The following EFHB variants were observed in gnomAD, a reference collection of about 807,000 sequenced individuals.
EFHB encodes the protein EF-hand domain-containing family member B.
A neutral mutation model predicts 87.2 loss-of-function variants in EFHB; 91 were observed. The observed-to-expected ratio is 1.04, with a 90% CI of 0.88 to 1.24. The LOEUF (loss-of-function observed/expected upper bound fraction) is 1.24, where lower values mean the gene tolerates loss of function less well. EFHB is among the 50% of genes most tolerant of loss of function. The probability of loss-of-function intolerance (pLI) is 0.00; values close to 1 mark genes in which losing one functional copy is unlikely to be tolerated. For missense variants in EFHB, 1,084 were observed against 998.8 expected (o/e 1.09, Z -1.15); for synonymous variants, 325 against 333.6 (o/e 0.97, Z 0.28).
chr3:19,890,731 G>C (rs1319494136), intron 9 of EFHB, among the ~76,000 whole-genome samples: 2 of 152,124 alleles, frequency 1.3e-5, no homozygotes, highest in Non-Finnish European at 2.9e-5. Flanking sequence ...AGAGCCTCTG[G>C]AAAAGAAAGG....
In EFHB at chr3:19,934,137, A is replaced by G. The variant is rs1473128666; in HGVS notation, c.-119T>C. 25 of 1,456,830 alleles carry G rather than the reference A, an allele frequency of 1.7e-5. No individual in the cohort carries two copies. The South Asian group carries it at 1.9e-4, about 11-fold the overall frequency. 90.2% of individuals were successfully genotyped at this position (1,456,830 alleles called of 1,614,324 possible). A position where few individuals can be genotyped will look rare whatever the true frequency, so the allele number is the denominator to read the frequency against. ...AACCCCTCTCTCAGGAAAGAGCACA[A>G]CCTCACTCGGACTCCCTGTCCATTG... is the stretch of plus-strand genomic sequence containing the variant. On this transcript the variant is annotated 5_prime_UTR_variant, in exon 1 of 13. Coordinates refer to ENST00000295824, the MANE Select transcript of EFHB (RefSeq NM_144715.4).
intron 6 of EFHB, among the ~76,000 whole-genome samples, chr3:19,902,437 C>T (rs1234858868): frequency 6.6e-6 from 1 of 152,134 alleles, no homozygotes; most frequent in African/African-American, 2.4e-5. Flanking sequence ...TCACTTAAAC[C>T]TCCACCTCCC....
At chr3:19,882,456 T>G in intron 12 of EFHB, 94 bp downstream of exon 12, 1 of 1,226,614 alleles carries the variant, frequency 8.2e-7, no homozygotes, top group African/African-American at 1.5e-5. Flanking sequence ...TCCTGTAGAC[T>G]TTTGTAAATA....
intron 6 of EFHB, 72 bp downstream of exon 6, chr3:19,905,548 G>A: frequency 6.7e-7 from 1 of 1,497,998 alleles, no homozygotes; most frequent in Non-Finnish European, 9.1e-7. Flanking sequence ...AAAAAATAAA[G>A]TTTAAAAATC....
At chr3:19,889,671 C>T (rs1694237246) in intron 9 of EFHB, among the ~76,000 whole-genome samples, 1 of 152,182 alleles carries the variant, frequency 6.6e-6, no homozygotes, top group African/African-American at 2.4e-5. Flanking sequence ...AGAATGAGAA[C>T]TTAAAATATA....
chr3:19,918,256 T>C lies in EFHB; in HGVS notation c.1153A>G (p.Thr385Ala), dbSNP rs759940580. 5.0e-6 allele frequency: 8 copies of C among 1,606,512 alleles called. No homozygotes were observed. In the East Asian group the frequency reaches 1.8e-4, roughly 36 times the overall value. Residue 385 changes from threonine (T) to alanine (A), a missense_variant, in exon 4 of 13, where the codon ACA becomes GCA. Transcript: ENST00000295824. ...LPKGMDTTNT[T>A]FGTAVIKEYS... ...CCTTTGATGACTGCTGTCCCAAATG[T>C]CGTATTGGTTGTGTCCATGCCTTTT... is the stretch of plus-strand genomic sequence containing the variant.
At chr3:19,880,352 C>G (rs536214177) in intron 12 of EFHB, among the ~76,000 whole-genome samples, 1 of 151,810 alleles carries the variant, frequency 6.6e-6, no homozygotes, top group African/African-American at 2.4e-5. Context: ...TGGGTACAAG[C>G]GATTCTTCTG....
upstream of EFHB, among the ~76,000 whole-genome samples, chr3:19,937,145 G>A (rs1696043885): frequency 6.6e-6 from 1 of 151,120 alleles, no homozygotes; most frequent in African/African-American, 2.4e-5. Context: ...CTCCAGCCTG[G>A]ATAACAGAAT....
At chr3:19,891,508 T>C (rs985374670) in intron 9 of EFHB, among the ~76,000 whole-genome samples, 5 of 152,226 alleles carry the variant, frequency 3.3e-5, no homozygotes, top group Admixed American at 3.3e-4. Flanking sequence ...CTGGTGGTCT[T>C]CACTGAGCTA....
chr3:19,918,151 A>C (rs1695299159), intron 4 of EFHB, 81 bp downstream of exon 4: 2 of 1,313,282 alleles, frequency 1.5e-6, no homozygotes. Flanking sequence ...CAAACATCAT[A>C]CAAATAAGAT....
intron 5 of EFHB, among the ~76,000 whole-genome samples, chr3:19,907,445 A>G (rs536003721): frequency 1.8e-4 from 28 of 152,328 alleles, no homozygotes; most frequent in Middle Eastern, 3.4e-3. Context: ...ATTGTTATGG[A>G]AATCCTGAAG....
chr3:19,882,534 T>A lies in EFHB; in HGVS notation c.2328+16A>T, dbSNP rs773172466. The A allele has an allele frequency of 2.0e-6, 3 of 1,474,358 alleles. No homozygotes were observed. Among genetic ancestry groups the A allele is most frequent in the South Asian group, 3.0e-5 (2 of 66,352 alleles). 91.3% of individuals were successfully genotyped at this position (1,474,358 alleles called of 1,614,324 possible). A position where few individuals can be genotyped will look rare whatever the true frequency, so the allele number is the denominator to read the frequency against. On this transcript the variant is annotated intron_variant, in intron 12 of 12. Transcript: ENST00000295824. ...TAGAGAAAACATTTCCATTTTTGTA[T>A]GCTTATATGCTATACCTCTTCTTTT...
At chr3:19,937,964 C>A (rs1559479274), upstream of EFHB, among the ~76,000 whole-genome samples, 3 of 152,196 alleles carry the variant, frequency 2.0e-5, no homozygotes, top group East Asian at 3.9e-4. Flanking sequence ...CTCCTCTCTA[C>A]TTCAATGTTT....
chr3:19,918,156 T>A (rs986273703), intron 4 of EFHB, 76 bp downstream of exon 4: 10 of 1,318,264 alleles, frequency 7.6e-6, no homozygotes, highest in Non-Finnish European at 1.0e-5. Flanking sequence ...ATCATACAAA[T>A]AAGATATTTA....
intron 1 of EFHB, among the ~76,000 whole-genome samples, chr3:19,939,460 C>T (rs2125171420): frequency 7.3e-6 from 1 of 137,230 alleles, no homozygotes; most frequent in South Asian, 2.4e-4. Flanking sequence ...TCTTGGCTCA[C>T]TGCAAGCTCC....
chr3:19,915,581 C>T (rs1220586892), intron 4 of EFHB, among the ~76,000 whole-genome samples, 168 bp from the exon 5 acceptor site: 1 of 151,946 alleles, frequency 6.6e-6, no homozygotes, highest in Non-Finnish European at 1.5e-5. Context: ...AAAGGGAAGC[C>T]CACTTGACCT....
intron 10 of EFHB, among the ~76,000 whole-genome samples, chr3:19,885,569 T>C (rs1311716588): frequency 6.6e-6 from 1 of 152,232 alleles, no homozygotes; most frequent in Non-Finnish European, 1.5e-5. Flanking sequence ...ACTACATATA[T>C]ACCACTAGAG....
At chr3:19,940,230 T>C (rs937978937) in intron 1 of EFHB, 1 of 165,914 alleles carries the variant, frequency 6.0e-6, no homozygotes, top group African/African-American at 2.4e-5. Context: ...GTGTTTTAAG[T>C]GTGTGGAACA....
chr3:19,926,982 A>G (rs112657193), intron 1 of EFHB, among the ~76,000 whole-genome samples: 18 of 151,960 alleles, frequency 1.2e-4, no homozygotes, highest in African/African-American at 4.1e-4. Flanking sequence ...TTTAAATAGG[A>G]TCTCACTCTG....
Sources: allele counts gnomAD v4.1 joint callset (sites outside exome capture counted in the v4.1 genomes callset), GRCh38; gene constraint gnomAD v4.1.1; transcripts MANE v1.5; gene names NCBI Gene and HGNC (gene_info 2026-07-23, HGNC 2026-07-21).